Variants in AGAP1 observed in about 807,000 individuals in gnomAD.
AGAP1 encodes the protein ArfGAP with GTPase domain, ankyrin repeat and PH domain 1, also known as arf-GAP with GTPase, ANK repeat and PH domain-containing protein 1.
A neutral mutation model predicts 105.3 loss-of-function variants in AGAP1; 29 were observed. The ratio of observed to expected loss-of-function variants is 0.28; its 90% CI spans 0.21 to 0.38. The LOEUF is 0.38. AGAP1 is among the 10% of genes least tolerant of loss of function. The pLI, the probability that AGAP1 is intolerant of heterozygous loss-of-function variation, is 1.00. For missense variants in AGAP1, 998 were observed against 1,165.1 expected (o/e 0.86, Z 2.09); for synonymous variants, 509 against 485.9 (o/e 1.05, Z -0.63).
In AGAP1 at chr2:235,577,020, T is replaced by G. The variant is rs1944754864; in HGVS notation, c.163+82171T>G. ...TCCCTCCATACCCCAAATGCCAAAC[T>G]CTACCTCTGCATCTTCACCAAGAAA... On this transcript the variant is annotated intron_variant, in intron 1 of 17. Coordinates refer to ENST00000304032, the MANE Select transcript of AGAP1 (RefSeq NM_001037131.3). The surrounding 1 kb of genome is among the most constrained non-coding windows in gnomAD (Gnocchi z 4.5). Among the ~76,000 whole-genome samples, 1 of 152,178 alleles carries G rather than the reference T, an allele frequency of 6.6e-6. No individual in the cohort carries two copies. Among genetic ancestry groups the G allele is most frequent in the African/African-American group, 2.4e-5 (1 of 41,442 alleles).
intron 13 of AGAP1, among the ~76,000 whole-genome samples, chr2:236,007,329 A>G (rs893581530): frequency 1.3e-5 from 2 of 152,174 alleles, no homozygotes; most frequent in Non-Finnish European, 2.9e-5. Flanking sequence ...TGGCTTACAT[A>G]TAAGAGGAGC....
chr2:235,939,691 G>A (rs1056631594), intron 12 of AGAP1, among the ~76,000 whole-genome samples: 5 of 152,060 alleles, frequency 3.3e-5, no homozygotes, highest in Non-Finnish European at 5.9e-5. Flanking sequence ...CTTGGTTCCC[G>A]TGGTAATCTT....
At chr2:235,587,865 G>A (rs146876676) in intron 1 of AGAP1, among the ~76,000 whole-genome samples, 1 of 152,120 alleles carries the variant, frequency 6.6e-6, no homozygotes, top group Non-Finnish European at 1.5e-5. Flanking sequence ...AGGTCCTGCT[G>A]CTCCTTCCAC....
At chr2:235,518,470 C>T (rs1007228960) in intron 1 of AGAP1, among the ~76,000 whole-genome samples, 2 of 152,202 alleles carry the variant, frequency 1.3e-5, no homozygotes, top group Non-Finnish European at 2.9e-5. Context: ...GTGTGCCCCA[C>T]CCTGCAATTG....
At position 236,121,954 on chromosome 2, in the gene AGAP1, C is replaced by A. The variant is rs967148897; in HGVS notation, c.2370+1507C>A. Reference sequence around the variant, plus strand: ...CTCCTGGTAGCTCTCTCCTTTCCCCCCACCCCCTTCTTTTTGGGACAAAGT... The same window carrying A: ...CTCCTGGTAGCTCTCTCCTTTCCCCACACCCCCTTCTTTTTGGGACAAAGT... On this transcript the variant is annotated intron_variant, in intron 17 of 17. Coordinates refer to ENST00000304032, the MANE Select transcript of AGAP1 (RefSeq NM_001037131.3). This position sits in a 1 kb window ranked among gnomAD's most constrained non-coding sequence, Gnocchi z 4.9. 4.6e-5 allele frequency among the ~76,000 whole-genome samples: 7 copies of A among 150,650 alleles called. No homozygotes were observed. Among genetic ancestry groups the A allele is most frequent in the African/African-American group, 1.7e-4 (7 of 40,868 alleles).
intron 8 of AGAP1, among the ~76,000 whole-genome samples, chr2:235,803,799 T>C (rs1442440453): frequency 6.6e-6 from 1 of 152,242 alleles, no homozygotes; most frequent in Non-Finnish European, 1.5e-5. Flanking sequence ...AATTATATGT[T>C]ACATTTGCAG....
rs190143881 is a variant in AGAP1, at chr2:236,072,848, T to C, written c.2114+23567T>C. 2.0e-3 allele frequency among the ~76,000 whole-genome samples: 297 copies of C among 152,260 alleles called. 1 individual carries two copies. Among genetic ancestry groups the C allele is most frequent in the African/African-American group, 6.9e-3 (285 of 41,532 alleles). Reference sequence around the variant, plus strand: ...TCCAGCTGAACTATACCAGGAGCCATATGTGTTGTTTTAAATTTTCTAGTA... The same window carrying C: ...TCCAGCTGAACTATACCAGGAGCCACATGTGTTGTTTTAAATTTTCTAGTA... On this transcript the variant is annotated intron_variant, in intron 16 of 17. Transcript: ENST00000304032.
rs1943747455 is a variant in AGAP1 at position 235,549,834 on chromosome 2, C to T, written c.163+54985C>T. On this transcript the variant is annotated intron_variant, in intron 1 of 17. Coordinates refer to ENST00000304032, the MANE Select transcript of AGAP1 (RefSeq NM_001037131.3). This position sits in a 1 kb window ranked among gnomAD's most constrained non-coding sequence, Gnocchi z 4.2. ...CTAGTTGCATCTCACCGCGGCCTAA[C>T]ATCCCCGGGAGCATGGGGATTAGTG... Among the ~76,000 whole-genome samples, 1 of 152,176 alleles carries T rather than the reference C, an allele frequency of 6.6e-6. No homozygotes were observed. The highest frequency in any genetic ancestry group is 1.5e-5 in the Non-Finnish European group (1 of 68,038).
chr2:235,822,028 G>A (rs1958816107), intron 9 of AGAP1, among the ~76,000 whole-genome samples: 1 of 152,234 alleles, frequency 6.6e-6, no homozygotes, highest in African/African-American at 2.4e-5. Flanking sequence ...ACAGCCACCT[G>A]TCTTATTCCT....
chr2:235,859,882 A>G (rs534656624), intron 9 of AGAP1, among the ~76,000 whole-genome samples: 3 of 152,210 alleles, frequency 2.0e-5, no homozygotes, highest in Admixed American at 6.5e-5. Context: ...TTCTAGGACA[A>G]CTCAGTTCTT....
At chr2:235,532,691 G>A (rs1219183306) in intron 1 of AGAP1, among the ~76,000 whole-genome samples, 3 of 152,154 alleles carry the variant, frequency 2.0e-5, no homozygotes, top group Non-Finnish European at 4.4e-5. Context: ...AAACACTCTG[G>A]ATGCTTTAAA....
rs2060070349 is a variant in AGAP1, at chr2:236,130,623, T to C, written c.*6501T>C. Reference sequence around the variant, plus strand: ...AGCCCACTCGGTCAGCAGCTGGGCATGAGGATGTCAGGGGCCTTTGGACTT... The same window carrying C: ...AGCCCACTCGGTCAGCAGCTGGGCACGAGGATGTCAGGGGCCTTTGGACTT... On this transcript the variant is annotated 3_prime_UTR_variant, in exon 18 of 18. Transcript: ENST00000304032. This position sits in a 1 kb window ranked among gnomAD's most constrained non-coding sequence, Gnocchi z 5.8. The C allele has an allele frequency of 6.6e-6, 1 of 152,320 alleles. No individual in the cohort carries two copies. The highest frequency in any genetic ancestry group is 1.5e-5 in the Non-Finnish European group (1 of 68,202). The allele number at this position is 152,320 out of a possible 1,614,324, so 9.4% of individuals were successfully genotyped here.
At chr2:236,112,331 G>A (rs1347998358) in intron 16 of AGAP1, among the ~76,000 whole-genome samples, 1 of 151,868 alleles carries the variant, frequency 6.6e-6, no homozygotes, top group East Asian at 1.9e-4. Flanking sequence ...CAGGAGAATC[G>A]CTTGAACCCA....
chr2:235,848,608 T>A (rs1415708657), intron 9 of AGAP1, among the ~76,000 whole-genome samples: 2 of 152,230 alleles, frequency 1.3e-5, no homozygotes, highest in Non-Finnish European at 2.9e-5. Context: ...GGTAATTTAG[T>A]TTGCTCGGAA....
At chr2:236,060,815 A>AC (rs1295344584) in intron 16 of AGAP1, among the ~76,000 whole-genome samples, 1 of 152,168 alleles carries the variant, frequency 6.6e-6, no homozygotes, top group Non-Finnish European at 1.5e-5. Flanking sequence ...TAATCCCAGC[A>AC]TGTGGGGAGG....
chr2:236,110,522 C>T (rs6747877), intron 16 of AGAP1, among the ~76,000 whole-genome samples: 15,300 of 152,040 alleles, frequency 0.1, 2,570 homozygotes, highest in African/African-American at 0.34. Context: ...ATGATTGCGC[C>T]ACTGCACTCT....
Position 235,555,612 on chromosome 2 carries a change from T to C in AGAP1, c.163+60763T>C, listed in dbSNP as rs149861058. Among the ~76,000 whole-genome samples, 293 of 152,340 alleles carry C rather than the reference T, an allele frequency of 1.9e-3. 2 individuals are homozygous for C. Among genetic ancestry groups the C allele is most frequent in the African/African-American group, 6.7e-3 (278 of 41,586 alleles). On this transcript the variant is annotated intron_variant, in intron 1 of 17. Transcript: ENST00000304032. This position sits in a 1 kb window ranked among gnomAD's most constrained non-coding sequence, Gnocchi z 5.1. ...TGGAGGCCGGGCTGTGCATGAGCTA[T>C]GCAGGCCTTGGGGTCTTTTCATCAG...
At position 235,582,638 on chromosome 2, in the gene AGAP1, T is replaced by G. The variant is rs145149072; in HGVS notation, c.163+87789T>G. 1.5e-3 allele frequency among the ~76,000 whole-genome samples: 236 copies of G among 152,342 alleles called. No homozygotes were observed. Among genetic ancestry groups the G allele is most frequent in the African/African-American group, 5.5e-3 (227 of 41,588 alleles). On this transcript the variant is annotated intron_variant, in intron 1 of 17. Transcript: ENST00000304032. This position sits in a 1 kb window ranked among gnomAD's most constrained non-coding sequence, Gnocchi z 4.7. ...CTATAAATATTTCTTAAAAGTGTTT[T>G]ACAACAAAAGCACGGAGTGTACTTC...
chr2:235,822,922 G>T (rs1231612679), intron 9 of AGAP1, among the ~76,000 whole-genome samples: 1 of 152,144 alleles, frequency 6.6e-6, no homozygotes, highest in Non-Finnish European at 1.5e-5. Context: ...TTCCCTTCAG[G>T]CCATGCCAAT....
Sources: gnomAD v4.1 joint callset for allele counts (sites outside exome capture counted in the v4.1 genomes callset) on GRCh38, gnomAD v4.1.1 for gene constraint, Gnocchi (gnomAD v3.1) non-coding constraint, MANE v1.5 for transcripts, NCBI Gene and HGNC (gene_info 2026-07-23, HGNC 2026-07-21) for gene names.